PIP4K2B: variants seen among roughly 807,000 people sequenced by gnomAD.
PIP4K2B encodes phosphatidylinositol 5-phosphate 4-kinase type-2 beta.
A neutral mutation model predicts 42.0 loss-of-function variants in PIP4K2B; 3 were observed. The ratio of observed to expected loss-of-function variants is 0.07; its 90% CI spans 0.03 to 0.18. The LOEUF (loss-of-function observed/expected upper bound fraction) is 0.18, where lower values mean the gene tolerates loss of function less well. Among genes scored for constraint, PIP4K2B ranks in the 10% least tolerant of loss-of-function variants. The pLI is 1.00. For synonymous variants in PIP4K2B, 204 were observed against 210.1 expected (o/e 0.97, Z 0.25); for missense variants, 332 against 562.3 (o/e 0.59, Z 4.14).
At chr17:38,786,604 C>A (rs1567660027) in intron 2 of PIP4K2B, among the ~76,000 whole-genome samples, 1 of 152,198 alleles carries the variant, frequency 6.6e-6, no homozygotes, top group Non-Finnish European at 1.5e-5. Flanking sequence ...CAAGGGCCAC[C>A]GGAGGTAGGC....
Position 38,796,363 on chromosome 17 carries a change from T to C in PIP4K2B, c.159+2903A>G, listed in dbSNP as rs182135751. 6.0e-4 allele frequency among the ~76,000 whole-genome samples: 92 copies of C among 152,336 alleles called. 1 individual carries two copies. The East Asian group carries it at 0.013, about 22-fold the overall frequency. On this transcript the variant is annotated intron_variant, in intron 1 of 9. Coordinates refer to ENST00000619039, the MANE Select transcript of PIP4K2B (RefSeq NM_003559.5). The stretch of plus-strand genomic sequence containing the variant: ...TCACCATCAACTGCTCCTGCTCCTC[T>C]GATCCCTGTGGTAAGGCTTCACACA...
At chr17:38,792,341 G>A (rs1019679001) in intron 1 of PIP4K2B, among the ~76,000 whole-genome samples, 2 of 151,964 alleles carry the variant, frequency 1.3e-5, no homozygotes, top group Non-Finnish European at 2.9e-5. Context: ...ACAAGTTTTC[G>A]CCATGTTGCC....
intron 7 of PIP4K2B, chr17:38,776,069 C>T (rs564432041): frequency 9.0e-6 from 4 of 446,384 alleles, no homozygotes; most frequent in Non-Finnish European, 4.5e-6. Flanking sequence ...CTCCTGGGTT[C>T]AAGCGATTCT....
chr17:38,769,791 G>A lies in PIP4K2B; in HGVS notation c.1171-20C>T, dbSNP rs763665088. On this transcript the variant is annotated intron_variant, in intron 9 of 9. Transcript: ENST00000619039. ...CCCTGCCTGTAATACACAAGAGGCTGATTCAGGTTGAGTTCCTGTGCCCCA... is the reference window on the plus strand; with the variant it reads ...CCCTGCCTGTAATACACAAGAGGCTAATTCAGGTTGAGTTCCTGTGCCCCA... 4 of 1,613,324 alleles carry A rather than the reference G, an allele frequency of 2.5e-6. No homozygotes were observed. The highest frequency in any genetic ancestry group is 2.5e-6 in the Non-Finnish European group (3 of 1,179,262).
chr17:38,776,267 G>A (rs1331040252), intron 7 of PIP4K2B, among the ~76,000 whole-genome samples: 4 of 152,172 alleles, frequency 2.6e-5, no homozygotes, highest in Non-Finnish European at 4.4e-5. Flanking sequence ...ACCTCGCTTG[G>A]CTGTTTGCTT....
At chr17:38,798,915 A>G (rs1329895337) in intron 1 of PIP4K2B, among the ~76,000 whole-genome samples, 1 of 148,540 alleles carries the variant, frequency 6.7e-6, no homozygotes, top group African/African-American at 2.5e-5. Flanking sequence ...ACCCTCACAA[A>G]CAGGATGAGG....
At position 38,767,493 on chromosome 17, in the gene PIP4K2B, C is replaced by T. The variant is rs1288611088; in HGVS notation, c.*2198G>A. 1 of 152,394 alleles carries T rather than the reference C, an allele frequency of 6.6e-6. No individual in the cohort carries two copies. Among genetic ancestry groups the T allele is most frequent in the Non-Finnish European group, 1.5e-5 (1 of 68,012 alleles). 9.4% of individuals were successfully genotyped at this position (152,394 alleles called of 1,614,324 possible). On this transcript the variant is annotated 3_prime_UTR_variant, in exon 10 of 10. Coordinates refer to ENST00000619039, the MANE Select transcript of PIP4K2B (RefSeq NM_003559.5). ...GCATTTGAAACAGAATGCTACCTCT[C>T]AAAATGTAAACAATATACAAAACAC...
intron 4 of PIP4K2B, among the ~76,000 whole-genome samples, chr17:38,780,231 T>C (rs1909620424): frequency 1.3e-5 from 2 of 152,226 alleles, no homozygotes; most frequent in African/African-American, 4.8e-5. Context: ...ACTTTCCAAC[T>C]GGGAGTCAGT....
intron 1 of PIP4K2B, among the ~76,000 whole-genome samples, chr17:38,788,188 T>A (rs1203559370): frequency 6.7e-6 from 1 of 149,780 alleles, no homozygotes; most frequent in Non-Finnish European, 1.5e-5. Flanking sequence ...ATTTATTTAT[T>A]TATTTATTTA....
chr17:38,777,853 GAC>G, intron 6 of PIP4K2B, 53 bp from the exon 7 acceptor site: 1 of 1,274,370 alleles, frequency 7.8e-7, no homozygotes, highest in Non-Finnish European at 1.1e-6. Context: ...TCACCCCAGG[GAC>G]ACCCAACTGT....
intron 1 of PIP4K2B, 54 bp from the exon 2 acceptor site, chr17:38,786,974 G>A (rs772066000): frequency 1.4e-5 from 15 of 1,066,050 alleles, no homozygotes; most frequent in Non-Finnish European, 2.2e-5. Flanking sequence ...CTGCCTCAGA[G>A]ACACTAAGCT....
intron 3 of PIP4K2B, among the ~76,000 whole-genome samples, chr17:38,784,021 G>A (rs970171423): frequency 1.3e-5 from 2 of 152,238 alleles, no homozygotes; most frequent in African/African-American, 2.4e-5. Context: ...CCCTCTGAGG[G>A]AGAGGAACCT....
intron 7 of PIP4K2B, among the ~76,000 whole-genome samples, chr17:38,775,245 G>A (rs758688713): frequency 5.3e-5 from 8 of 152,018 alleles, no homozygotes; most frequent in Non-Finnish European, 1.0e-4. Flanking sequence ...GAGCCACCGC[G>A]CCTAGCTTTT....
chr17:38,791,406 ATTTTTTT>A (rs58027566), intron 1 of PIP4K2B, among the ~76,000 whole-genome samples: 5 of 91,156 alleles, frequency 5.5e-5, no homozygotes, highest in Non-Finnish European at 1.0e-4. Context: ...CAGACTGCCA[ATTTTTTT>A]TTTTTTTTTT....
chr17:38,794,443 A>C (rs886668704), intron 1 of PIP4K2B, among the ~76,000 whole-genome samples: 3 of 151,176 alleles, frequency 2.0e-5, no homozygotes, highest in African/African-American at 7.3e-5. Context: ...CGTACACTTA[A>C]AATTTTGTCA....
chr17:38,791,866 G>C (rs895430202), intron 1 of PIP4K2B, among the ~76,000 whole-genome samples: 1 of 150,884 alleles, frequency 6.6e-6, no homozygotes, highest in Non-Finnish European at 1.5e-5. Context: ...GAGGCGGGCG[G>C]ATCATGAGGT....
chr17:38,781,511 G>A (rs999598307), intron 3 of PIP4K2B, among the ~76,000 whole-genome samples: 1 of 152,008 alleles, frequency 6.6e-6, no homozygotes, highest in Non-Finnish European at 1.5e-5. Flanking sequence ...ATCTCTTAAT[G>A]AGGATCCTGT....
intron 5 of PIP4K2B, among the ~76,000 whole-genome samples, chr17:38,778,848 G>A (rs1186214970): frequency 2.0e-5 from 3 of 152,184 alleles, no homozygotes; most frequent in Non-Finnish European, 2.9e-5. Flanking sequence ...GGAGTGGGTG[G>A]AGAGAGAGAA....
At chr17:38,797,225 G>A (rs950080659) in intron 1 of PIP4K2B, among the ~76,000 whole-genome samples, 1 of 152,138 alleles carries the variant, frequency 6.6e-6, no homozygotes, top group Non-Finnish European at 1.5e-5. Context: ...AACAGAGTAG[G>A]ACTCACAGGA....
Sources: gnomAD v4.1 joint callset for allele counts (sites outside exome capture counted in the v4.1 genomes callset) on GRCh38, gnomAD v4.1.1 for gene constraint, MANE v1.5 for transcripts, NCBI Gene and HGNC (gene_info 2026-07-23, HGNC 2026-07-21) for gene names.